The following KIF21A variants were observed in gnomAD, a reference collection of about 807,000 sequenced individuals.
The protein encoded by KIF21A is kinesin-like protein KIF21A.
Under a neutral mutation model 202.9 loss-of-function variants are expected in KIF21A, and 114 were observed. That is an observed-to-expected ratio of 0.56 (90% confidence interval 0.48 to 0.66). The LOEUF is 0.66. Among genes scored for constraint, KIF21A ranks in the 30% least tolerant of loss-of-function variants. KIF21A has a pLI of 0.00. For missense variants in KIF21A, 1,677 were observed against 1,994.9 expected (o/e 0.84, Z 3.04); for synonymous variants, 667 against 670.8 (o/e 0.99, Z 0.09).
intron 11 of KIF21A, among the ~76,000 whole-genome samples, chr12:39,350,613 T>C (rs1352645932): frequency 4.6e-5 from 7 of 151,940 alleles, no homozygotes; most frequent in African/African-American, 1.7e-4. Context: ...TTGCCCTCCA[T>C]AAGGGAAGAG....
chr12:39,357,000 ATTCT>A, intron 9 of KIF21A, 105 bp from the exon 10 acceptor site: 1 of 696,954 alleles, frequency 1.4e-6, no homozygotes, highest in Non-Finnish European at 2.5e-6. Flanking sequence ...TTAAAACACA[ATTCT>A]TACAGCAAAT....
chr12:39,385,556 T>C (rs1307104629), intron 1 of KIF21A, among the ~76,000 whole-genome samples: 1 of 152,210 alleles, frequency 6.6e-6, no homozygotes, highest in Non-Finnish European at 1.5e-5. Flanking sequence ...ATCCTTAGTT[T>C]AAAAACAAAT....
intron 1 of KIF21A, among the ~76,000 whole-genome samples, chr12:39,419,566 C>T (rs937696626): frequency 1.3e-5 from 2 of 152,072 alleles, no homozygotes; most frequent in African/African-American, 4.8e-5. Context: ...TTTCTTACTG[C>T]CTCATAATTT....
chr12:39,341,860 G>C (rs1947471875), intron 13 of KIF21A, among the ~76,000 whole-genome samples, 174 bp downstream of exon 13: 1 of 152,118 alleles, frequency 6.6e-6, no homozygotes, highest in Admixed American at 6.6e-5. Context: ...ATAAGATTGA[G>C]AGTTGTCAAT....
chr12:39,332,660 C>T lies in KIF21A; in HGVS notation c.2787G>A (p.Arg929=). 2 of 1,613,888 alleles carry T rather than the reference C, an allele frequency of 1.2e-6. No individual in the cohort carries two copies. Among genetic ancestry groups the T allele is most frequent in the Middle Eastern group, 1.7e-4 (1 of 6,060 alleles). ...TCTTCTGCATGATGATGTCTGTGAC[C>T]CTGCGCTCAAGGAGCTGCCACTTCA... ...ARMKWQLLER[R]VTDIIMQKMT... The change falls in exon 20 of 38, where the codon AGG becomes AGA. Residue 929 remains arginine, a synonymous_variant. Transcript: ENST00000361418.
rs756103264 is a variant in KIF21A, at chr12:39,356,864, A to G, written c.1437T>C (p.Ile479=). ...GEGNEEISNM[I]HSYIKEIEDL... ...CTTCGATTTCTTTTATATAACTATG[A>G]ATCATATTACTAATCTCCTCATTTC... is the stretch of plus-strand genomic sequence containing the variant. Residue 479 remains isoleucine (I), a synonymous_variant, in exon 10 of 38, where the codon ATT becomes ATC. Transcript: ENST00000361418. 4 of 1,283,606 alleles carry G rather than the reference A, an allele frequency of 3.1e-6. No individual in the cohort carries two copies. The African/African-American group carries it at 4.4e-5, about 14-fold the overall frequency. The allele number at this position is 1,283,606 out of a possible 1,614,324, so 79.5% of individuals were successfully genotyped here.
At chr12:39,316,426 T>C (rs890167614) in intron 29 of KIF21A, among the ~76,000 whole-genome samples, 65 of 152,180 alleles carry the variant, frequency 4.3e-4, no homozygotes, top group Non-Finnish European at 1.9e-4. Context: ...ATAGATTGTG[T>C]TTTCACATAG....
intron 1 of KIF21A, among the ~76,000 whole-genome samples, chr12:39,377,602 A>C (rs1950347572): frequency 6.6e-6 from 1 of 152,188 alleles, no homozygotes; most frequent in Non-Finnish European, 1.5e-5. Context: ...ATAAATAATA[A>C]GTAACTCAAG....
At chr12:39,296,209 C>A (rs1463693827) in intron 37 of KIF21A, among the ~76,000 whole-genome samples, 2 of 151,330 alleles carry the variant, frequency 1.3e-5, no homozygotes. Context: ...GCTGGGACTA[C>A]AGGCGCCCAC....
intron 26 of KIF21A, among the ~76,000 whole-genome samples, chr12:39,323,734 C>G (rs1325198285): frequency 6.6e-6 from 1 of 152,172 alleles, no homozygotes; most frequent in East Asian, 1.9e-4. Context: ...AGCTGTATAG[C>G]CCCAGCTCTT....
rs750311917 is a variant in KIF21A at position 39,325,856 on chromosome 12, C to T, written c.3439G>A (p.Val1147Met). The T allele has an allele frequency of 6.8e-6, 11 of 1,611,842 alleles. No homozygotes were observed. In the African/African-American group the frequency reaches 8.0e-5, roughly 12 times the overall value. Residue 1147 changes from valine (V) to methionine (M), a missense_variant, in exon 26 of 38, where the codon GTG becomes ATG. By Grantham distance (21) the Val-to-Met change is conservative. Transcript: ENST00000361418. Reference sequence around the variant, plus strand: ...CTCCTTACCTTGTTCTTAGGTTTCACTTCACCACAAAGCTTCATGAGATCT... The same window carrying T: ...CTCCTTACCTTGTTCTTAGGTTTCATTTCACCACAAAGCTTCATGAGATCT... ...SSDLMKLCGE[V>M]KPKNKARRRT...
intron 33 of KIF21A, among the ~76,000 whole-genome samples, chr12:39,308,280 C>T (rs370113858): frequency 6.1e-4 from 92 of 151,552 alleles, no homozygotes; most frequent in East Asian, 4.9e-3. Flanking sequence ...CCCAGCTACT[C>T]GGGAGGCTGA....
At chr12:39,409,391 A>AC (rs1232885806) in intron 1 of KIF21A, among the ~76,000 whole-genome samples, 3 of 150,398 alleles carry the variant, frequency 2.0e-5, no homozygotes, top group Admixed American at 6.6e-5. Flanking sequence ...TAAAAAAACA[A>AC]AAAAAAAGAA....
chr12:39,384,906 C>T lies in KIF21A; in HGVS notation c.45-14645G>A, dbSNP rs573165259. ...TTGCTGGCAAAAGGCTAGCTCTCAG[C>T]TCCTAAATGCCACTCTCATGGCCTA... On this transcript the variant is annotated intron_variant, in intron 1 of 37. Coordinates refer to ENST00000361418, the MANE Select transcript of KIF21A (RefSeq NM_001173464.2). Among the ~76,000 whole-genome samples, 13 of 152,288 alleles carry T rather than the reference C, an allele frequency of 8.5e-5. 1 individual carries two copies. Among genetic ancestry groups the T allele is most frequent in the African/African-American group, 2.9e-4 (12 of 41,584 alleles).
chr12:39,305,388 A>AAT (rs1491075244), intron 34 of KIF21A, among the ~76,000 whole-genome samples: 1 of 143,892 alleles, frequency 6.9e-6, no homozygotes, highest in Non-Finnish European at 1.5e-5. Context: ...AAAAAAAAAA[A>AAT]ACAGAGATGG....
At chr12:39,361,958 G>A (rs987178088) in intron 7 of KIF21A, among the ~76,000 whole-genome samples, 1 of 152,150 alleles carries the variant, frequency 6.6e-6, no homozygotes, top group Non-Finnish European at 1.5e-5. Context: ...GTTGGAGGTG[G>A]GGCCTTGGTG....
intron 3 of KIF21A, among the ~76,000 whole-genome samples, chr12:39,368,994 T>C (rs933302401): frequency 1.3e-5 from 2 of 152,122 alleles, no homozygotes; most frequent in African/African-American, 4.8e-5. Context: ...CTTTAGACAT[T>C]ATATCAAAAC....
At chr12:39,375,976 G>T (rs1341323758) in intron 1 of KIF21A, among the ~76,000 whole-genome samples, 1 of 152,082 alleles carries the variant, frequency 6.6e-6, no homozygotes, top group Non-Finnish European at 1.5e-5. Flanking sequence ...AACACCACCT[G>T]AAAATTCTCT....
chr12:39,319,333 G>A (rs1440494776), intron 28 of KIF21A, among the ~76,000 whole-genome samples: 5 of 152,016 alleles, frequency 3.3e-5, no homozygotes, highest in Admixed American at 2.6e-4. Context: ...ATTTGTAAAC[G>A]CCCAGTTAAG....
Sources: allele counts gnomAD v4.1 joint callset (sites outside exome capture counted in the v4.1 genomes callset), GRCh38; gene constraint gnomAD v4.1.1; transcripts MANE v1.5; gene names NCBI Gene and HGNC (gene_info 2026-07-23, HGNC 2026-07-21).